ABLIM1: variants seen among roughly 807,000 people sequenced by gnomAD.
The protein encoded by ABLIM1 is actin binding LIM protein 1.
ABLIM1 carries 40 observed loss-of-function variants against 107.0 expected under a neutral mutation model. The observed-to-expected ratio is 0.37, with a 90% CI of 0.29 to 0.49. ABLIM1 has a LOEUF of 0.49. Ranked by LOEUF, ABLIM1 falls within the 20% of genes least tolerant of loss-of-function variation. ABLIM1 has a pLI of 0.97. For synonymous variants in ABLIM1, 357 were observed against 357.3 expected, an observed-to-expected ratio of 1.00 and a Z score of 0.01; for missense variants, 857 against 1,008.5, an observed-to-expected ratio of 0.85 and a Z score of 2.04.
intron 6 of ABLIM1, among the ~76,000 whole-genome samples, chr10:114,533,834 A>C (rs1249369655): frequency 6.6e-6 from 1 of 152,092 alleles, no homozygotes; most frequent in African/African-American, 2.4e-5. Context: ...TCACCAACAC[A>C]TCCAGCTAAG....
At chr10:114,465,572 T>C in intron 12 of ABLIM1, 126 bp downstream of exon 12, 1 of 1,246,004 alleles carries the variant, frequency 8.0e-7, no homozygotes, top group Non-Finnish European at 1.1e-6. Flanking sequence ...CCAGTTTTCA[T>C]TTTGCTCTGG....
intron 14 of ABLIM1, 133 bp from the exon 15 acceptor site, chr10:114,448,153 T>C (rs1456842161): frequency 8.7e-7 from 1 of 1,143,074 alleles, no homozygotes; most frequent in Non-Finnish European, 1.2e-6. Flanking sequence ...ATTACCATTA[T>C]CCATGGCCCA....
intron 1 of ABLIM1, among the ~76,000 whole-genome samples, chr10:114,720,553 C>T (rs1487264508): frequency 6.6e-6 from 1 of 152,090 alleles, no homozygotes; most frequent in Non-Finnish European, 1.5e-5. Flanking sequence ...AACATATTTT[C>T]ACAGGACCCC....
At chr10:114,509,248 T>C (rs909974179) in intron 6 of ABLIM1, among the ~76,000 whole-genome samples, 1 of 152,012 alleles carries the variant, frequency 6.6e-6, no homozygotes, top group Non-Finnish European at 1.5e-5. Context: ...GAGAGTGCGG[T>C]GTGAGAAAGG....
intron 4 of ABLIM1, among the ~76,000 whole-genome samples, chr10:114,549,764 A>C (rs977047814): frequency 1.3e-5 from 2 of 152,190 alleles, no homozygotes; most frequent in African/African-American, 4.8e-5. Flanking sequence ...TTGATAATGG[A>C]ATACTATGGG....
intron 8 of ABLIM1, 58 bp downstream of exon 8, chr10:114,487,900 G>C (rs949463805): frequency 2.5e-5 from 40 of 1,587,012 alleles, no homozygotes; most frequent in Non-Finnish European, 3.4e-5. Context: ...AAGAATTAGT[G>C]ACCACGAGCG....
At chr10:114,729,262 T>TA (rs1466532049) in intron 1 of ABLIM1, among the ~76,000 whole-genome samples, 1 of 152,026 alleles carries the variant, frequency 6.6e-6, no homozygotes, top group East Asian at 1.9e-4. Context: ...TCCAGAGGCT[T>TA]AAATGCATGG....
chr10:114,784,665 C>CAAAAAAAA, the ABLIM1 span, among the ~76,000 whole-genome samples: 4 of 87,988 alleles, frequency 4.5e-5, no homozygotes, highest in Non-Finnish European at 6.4e-5. Flanking sequence ...AGACTCACCT[C>CAAAAAAAA]AAAAAAAAAA....
At chr10:114,745,518 G>A (rs1406726551) in intron 1 of ABLIM1, among the ~76,000 whole-genome samples, 4 of 152,162 alleles carry the variant, frequency 2.6e-5, no homozygotes, top group African/African-American at 4.8e-5. Flanking sequence ...CCAAGATCAC[G>A]CCACTGGCAT....
upstream of ABLIM1, among the ~76,000 whole-genome samples, chr10:114,768,955 A>ACTATTT (rs1372833328): frequency 2.0e-5 from 3 of 151,884 alleles, no homozygotes; most frequent in African/African-American, 7.3e-5. Flanking sequence ...ACATAATAAA[A>ACTATTT]AGCCACCAGA....
At chr10:114,704,335 T>TATATATATATATATATA (rs3061769) in intron 1 of ABLIM1, among the ~76,000 whole-genome samples, 21 of 83,420 alleles carry the variant, frequency 2.5e-4, no homozygotes, top group Non-Finnish European at 4.3e-4. Context: ...TATATATATA[T>TATATATATATATATATA]TGCGCGCGTT....
intron 6 of ABLIM1, among the ~76,000 whole-genome samples, chr10:114,508,272 G>A (rs1305082664): frequency 2.0e-5 from 3 of 152,174 alleles, no homozygotes; most frequent in Non-Finnish European, 4.4e-5. Flanking sequence ...GGAAACCTGG[G>A]TCCTAACTTG....
At chr10:114,563,076 G>T (rs894747703) in intron 4 of ABLIM1, among the ~76,000 whole-genome samples, 1 of 152,188 alleles carries the variant, frequency 6.6e-6, no homozygotes, top group Non-Finnish European at 1.5e-5. Context: ...ACAAATAAAT[G>T]ATTTTGGAAA....
intron 1 of ABLIM1, among the ~76,000 whole-genome samples, chr10:114,742,366 T>C (rs956891957): frequency 6.6e-6 from 1 of 152,142 alleles, no homozygotes; most frequent in Non-Finnish European, 1.5e-5. Flanking sequence ...TGGCCAAAAG[T>C]ACACTTTGGA....
intron 1 of ABLIM1, among the ~76,000 whole-genome samples, chr10:114,621,784 G>T (rs550174693): frequency 1.2e-4 from 19 of 152,252 alleles, no homozygotes; most frequent in African/African-American, 3.9e-4. Flanking sequence ...AGTTATTCTC[G>T]AAGTGCCTCA....
intron 2 of ABLIM1, among the ~76,000 whole-genome samples, chr10:114,590,095 A>G (rs184772366): frequency 7.9e-5 from 12 of 152,280 alleles, no homozygotes; most frequent in Admixed American, 5.9e-4. Context: ...TTGGGTTACA[A>G]TTGCCTACAA....
intron 1 of ABLIM1, among the ~76,000 whole-genome samples, chr10:114,741,203 T>C (rs2082279501): frequency 6.9e-6 from 1 of 144,942 alleles, no homozygotes; most frequent in South Asian, 2.2e-4. Flanking sequence ...AACACCTTGA[T>C]AGGACTATTC....
At chr10:114,555,675 G>A (rs2068638579) in intron 4 of ABLIM1, among the ~76,000 whole-genome samples, 1 of 152,158 alleles carries the variant, frequency 6.6e-6, no homozygotes, top group Non-Finnish European at 1.5e-5. Flanking sequence ...CTGAGACACT[G>A]AGATAACTGA....
intron 12 of ABLIM1, among the ~76,000 whole-genome samples, chr10:114,460,506 C>T (rs538707271): frequency 2.0e-5 from 3 of 152,274 alleles, no homozygotes; most frequent in South Asian, 4.1e-4. Context: ...GAGGCCGAGG[C>T]AGAAGAATCG....
Sources: gnomAD v4.1 joint callset for allele counts (sites outside exome capture counted in the v4.1 genomes callset) on GRCh38, gnomAD v4.1.1 for gene constraint, MANE v1.5 for transcripts, NCBI Gene and HGNC (gene_info 2026-07-23, HGNC 2026-07-21) for gene names.